The following BOLL variants were observed in gnomAD, a reference collection of about 807,000 sequenced individuals.
BOLL encodes protein boule-like.
BOLL carries 23 observed loss-of-function variants against 44.4 expected under a neutral mutation model. That is an observed-to-expected ratio of 0.52 (90% CI 0.37 to 0.73). BOLL has a LOEUF of 0.73. Ranked by LOEUF, BOLL falls within the 30% of genes least tolerant of loss-of-function variation. The pLI is 0.00. For missense variants in BOLL, 287 were observed against 338.3 expected (o/e 0.85, Z 1.19); for synonymous variants, 97 against 110.8 (o/e 0.88, Z 0.78).
rs1199899080 is a variant in BOLL at position 197,755,663 on chromosome 2, C to T, written c.729+765G>A. ...CAGGGACAGAAAACCAAACACTGCA[C>T]GTTCTCACTTGTAAGTGGGAGCTGA... On this transcript the variant is annotated intron_variant, in intron 9 of 10. Coordinates refer to ENST00000392296, the MANE Select transcript of BOLL (RefSeq NM_033030.6). 3.9e-5 allele frequency among the ~76,000 whole-genome samples: 6 copies of T among 152,266 alleles called. 1 individual carries two copies. The South Asian group carries it at 1.0e-3, about 26-fold the overall frequency.
Position 197,726,960 on chromosome 2 carries a change from T to C in BOLL, c.*1595A>G, listed in dbSNP as rs2272166. ...TAGCATCTTGTTTAACATTTGAAAA[T>C]CAAAACATAAACTTTTTGGTTCTCA... On this transcript the variant is annotated 3_prime_UTR_variant, in exon 11 of 11. Transcript: ENST00000392296. 5.2e-5 allele frequency: 8 copies of C among 152,700 alleles called. 1 individual carries two copies. The East Asian group carries it at 1.5e-3, about 29-fold the overall frequency. The allele number at this position is 152,700 out of a possible 1,614,324, so 9.5% of individuals were successfully genotyped here.
intron 10 of BOLL, among the ~76,000 whole-genome samples, chr2:197,737,749 T>G (rs1687559542): frequency 6.6e-6 from 1 of 152,158 alleles, no homozygotes; most frequent in African/African-American, 2.4e-5. Context: ...TTTAGGTAAG[T>G]GCACGCTCTG....
chr2:197,742,033 CA>C (rs1559394900), intron 10 of BOLL, among the ~76,000 whole-genome samples: 1 of 152,178 alleles, frequency 6.6e-6, no homozygotes, highest in Non-Finnish European at 1.5e-5. Flanking sequence ...CAAAAGAAGA[CA>C]TTTATGCAGC....
intron 1 of BOLL, 166 bp downstream of exon 1, chr2:197,784,890 T>C (rs1689997264): frequency 2.0e-6 from 2 of 987,238 alleles, no homozygotes; most frequent in Non-Finnish European, 1.2e-6. Context: ...TGGGGACTGT[T>C]GCCGGGTTTG....
intron 7 of BOLL, among the ~76,000 whole-genome samples, chr2:197,762,723 C>G (rs1256803690): frequency 6.6e-6 from 1 of 152,042 alleles, no homozygotes; most frequent in Non-Finnish European, 1.5e-5. Flanking sequence ...TGGGACACAA[C>G]AGTAGCAGTA....
At chr2:197,767,658 T>A (rs1689054497) in intron 6 of BOLL, among the ~76,000 whole-genome samples, 1 of 151,940 alleles carries the variant, frequency 6.6e-6, no homozygotes, top group Non-Finnish European at 1.5e-5. Context: ...TTGGGAGACA[T>A]TTTTGATTAT....
chr2:197,745,634 A>G (rs1324188194), intron 9 of BOLL, among the ~76,000 whole-genome samples: 1 of 152,218 alleles, frequency 6.6e-6, no homozygotes, highest in Non-Finnish European at 1.5e-5. Context: ...CCAGAAAACA[A>G]CAAAAAGAAC....
chr2:197,741,310 G>C (rs1687720543), intron 10 of BOLL, among the ~76,000 whole-genome samples: 1 of 152,082 alleles, frequency 6.6e-6, no homozygotes, highest in Admixed American at 6.6e-5. Context: ...AAGAATACTT[G>C]TGATGTTTGT....
At chr2:197,756,616 T>G in intron 8 of BOLL, 60 bp from the exon 9 acceptor site, 1 of 1,461,364 alleles carries the variant, frequency 6.8e-7, no homozygotes, top group African/African-American at 1.4e-5. Flanking sequence ...TTAAACCAAA[T>G]GACTTAGCCA....
Position 197,744,143 on chromosome 2 carries a change from G to A in BOLL, c.730-984C>T, listed in dbSNP as rs149169304. Among the ~76,000 whole-genome samples, 390 of 152,282 alleles carry A rather than the reference G, an allele frequency of 2.6e-3. 16 individuals are homozygous for A. In the South Asian group the frequency reaches 0.077, roughly 30 times the overall value. On this transcript the variant is annotated intron_variant, in intron 9 of 10. Transcript: ENST00000392296. ...TTTCACACTGTGTCTTCAAAACCCA[G>A]TATGTATTTTACACTTAGGGGACAT...
At chr2:197,745,774 C>G (rs963742225) in intron 9 of BOLL, among the ~76,000 whole-genome samples, 2 of 152,146 alleles carry the variant, frequency 1.3e-5, no homozygotes, top group Non-Finnish European at 2.9e-5. Context: ...GATTCTGAAG[C>G]CTCCTCAGTC....
In BOLL at chr2:197,777,110, A is replaced by G. The variant is rs111746936; in HGVS notation, c.225T>C (p.Tyr75=). 3 of 1,541,740 alleles carry G rather than the reference A, an allele frequency of 1.9e-6. No individual in the cohort carries two copies. In the Admixed American group the frequency reaches 5.2e-5, roughly 27 times the overall value. The change falls in exon 4 of 11, where the codon TAT becomes TAC. Residue 75 remains tyrosine, a synonymous_variant. Coordinates refer to ENST00000392296, the MANE Select transcript of BOLL (RefSeq NM_033030.6). ...VNDRAGVSKG[Y]GFVTFETQED... is the part of the protein sequence containing the mutation. Reference sequence around the variant, plus strand: ...CTTGTGTTTCAAAAGTGACGAAACCATACCTAAATAAATGCATTAATTATT... The same window carrying G: ...CTTGTGTTTCAAAAGTGACGAAACCGTACCTAAATAAATGCATTAATTATT...
intron 10 of BOLL, among the ~76,000 whole-genome samples, chr2:197,737,792 G>A (rs1687562093): frequency 6.6e-6 from 1 of 152,094 alleles, no homozygotes; most frequent in Non-Finnish European, 1.5e-5. Context: ...AGTGGTAGTA[G>A]TTCAGATCCC....
At chr2:197,776,414 A>G (rs1689515906) in intron 4 of BOLL, among the ~76,000 whole-genome samples, 1 of 151,914 alleles carries the variant, frequency 6.6e-6, no homozygotes. Flanking sequence ...AACCATATAA[A>G]ACAAGGTTAT....
chr2:197,746,287 T>C (rs2106331570), intron 9 of BOLL, among the ~76,000 whole-genome samples: 1 of 152,324 alleles, frequency 6.6e-6, no homozygotes, highest in African/African-American at 2.4e-5. Flanking sequence ...GAAATCCCAC[T>C]ACTGTGTATA....
At chr2:197,746,000 T>C (rs1057301618) in intron 9 of BOLL, among the ~76,000 whole-genome samples, 1 of 152,222 alleles carries the variant, frequency 6.6e-6, no homozygotes, top group Non-Finnish European at 1.5e-5. Context: ...AAATCATGTT[T>C]ATATAATTTT....
intron 7 of BOLL, among the ~76,000 whole-genome samples, chr2:197,765,894 G>GT (rs1688976171): frequency 6.6e-6 from 1 of 151,614 alleles, no homozygotes; most frequent in African/African-American, 2.4e-5. Context: ...CCTTCTTTAC[G>GT]TTCATGAGTT....
intron 9 of BOLL, among the ~76,000 whole-genome samples, 178 bp downstream of exon 9, chr2:197,756,250 G>A (rs951229536): frequency 1.3e-5 from 2 of 152,098 alleles, no homozygotes; most frequent in Admixed American, 1.3e-4. Context: ...ACTAGTTAGC[G>A]AAAAAGTCTA....
intron 9 of BOLL, among the ~76,000 whole-genome samples, chr2:197,747,017 T>A (rs1357929347): frequency 6.6e-6 from 1 of 151,918 alleles, no homozygotes; most frequent in Non-Finnish European, 1.5e-5. Flanking sequence ...AGGAAGAATA[T>A]GCCCTGAAGA....
Sources: gnomAD v4.1 joint callset for allele counts (sites outside exome capture counted in the v4.1 genomes callset) on GRCh38, gnomAD v4.1.1 for gene constraint, MANE v1.5 for transcripts, NCBI Gene and HGNC (gene_info 2026-07-23, HGNC 2026-07-21) for gene names.